Variants in CPA6 observed in about 807,000 individuals in gnomAD.
CPA6 encodes carboxypeptidase B.
CPA6 carries 58 observed loss-of-function variants against 63.3 expected under a neutral mutation model. That is an observed-to-expected ratio of 0.92 (90% CI 0.74 to 1.14). CPA6 has a LOEUF of 1.14. Ranked by LOEUF, CPA6 falls within the 50% of genes most tolerant of loss-of-function variation. The pLI, the probability that CPA6 is intolerant of heterozygous loss-of-function variation, is 0.00. For missense variants in CPA6, 565 were observed against 526.6 expected (o/e 1.07, Z -0.71); for synonymous variants, 185 against 179.0 (o/e 1.03, Z -0.27).
intron 1 of CPA6, among the ~76,000 whole-genome samples, chr8:67,638,740 T>TA (rs2128989527): frequency 6.6e-6 from 1 of 151,758 alleles, no homozygotes; most frequent in Admixed American, 6.5e-5. Context: ...CATGGTCCTT[T>TA]AGAGTTTCCC....
At chr8:67,657,205 A>G (rs1428312801) in intron 1 of CPA6, among the ~76,000 whole-genome samples, 1 of 152,218 alleles carries the variant, frequency 6.6e-6, no homozygotes, top group East Asian at 1.9e-4. Flanking sequence ...ATTTTCATCC[A>G]GAAAGAAATA....
chr8:67,472,408 TTATC>T (rs879555274), intron 8 of CPA6, among the ~76,000 whole-genome samples: 9,643 of 78,966 alleles, frequency 0.12, 418 homozygotes, highest in Middle Eastern at 0.19. Context: ...TTATTTTATC[TTATC>T]TTATTTTATT....
chr8:67,471,956 T>A lies in CPA6; in HGVS notation c.838+11812A>T, dbSNP rs151249798. ...CAAAGCACTTATATAGGCATGAAAT[T>A]TACGAAAATAAAAAATAGCATGACT... On this transcript the variant is annotated intron_variant, in intron 8 of 10. Coordinates refer to ENST00000297770, the MANE Select transcript of CPA6 (RefSeq NM_020361.5). Among the ~76,000 whole-genome samples the A allele has an allele frequency of 6.5e-3, 987 of 152,142 alleles. 16 individuals carry two copies. Among genetic ancestry groups the A allele is most frequent in the African/African-American group, 0.023 (949 of 41,502 alleles).
At chr8:67,514,363 T>G (rs898286829) in intron 3 of CPA6, among the ~76,000 whole-genome samples, 1 of 152,184 alleles carries the variant, frequency 6.6e-6, no homozygotes, top group Admixed American at 6.5e-5. Flanking sequence ...ATTGATCACC[T>G]AGGGGCCAGA....
intron 1 of CPA6, chr8:67,735,748 C>A (rs1367891237): frequency 6.7e-6 from 1 of 148,484 alleles, no homozygotes; most frequent in African/African-American, 2.5e-5. Flanking sequence ...CCACTAGTTG[C>A]TCTTCCTTTC....
chr8:67,575,556 A>T (rs1813601271), intron 2 of CPA6, among the ~76,000 whole-genome samples: 1 of 152,190 alleles, frequency 6.6e-6, no homozygotes, highest in Admixed American at 6.5e-5. Context: ...ACTCAGCTTT[A>T]AAAAAGGAAG....
intron 1 of CPA6, among the ~76,000 whole-genome samples, chr8:67,665,981 C>T (rs78241579): frequency 0.015 from 2,267 of 152,320 alleles, 44 homozygotes; most frequent in African/African-American, 0.044. Context: ...TTAGAGTCCA[C>T]GCCTCTCTTC....
At chr8:67,670,435 TG>T (rs1217980809) in intron 1 of CPA6, among the ~76,000 whole-genome samples, 1 of 152,092 alleles carries the variant, frequency 6.6e-6, no homozygotes, top group Non-Finnish European at 1.5e-5. Flanking sequence ...CCTCTAACTC[TG>T]GGGGGCTTAC....
chr8:67,734,020 T>TG (rs1014310538), intron 1 of CPA6, among the ~76,000 whole-genome samples: 4 of 148,672 alleles, frequency 2.7e-5, no homozygotes, highest in African/African-American at 9.9e-5. Context: ...AGTGCAGGCA[T>TG]GCGCCACCAC....
intron 8 of CPA6, among the ~76,000 whole-genome samples, chr8:67,445,990 G>C (rs561511255): frequency 6.6e-6 from 1 of 152,042 alleles, no homozygotes; most frequent in African/African-American, 2.4e-5. Context: ...TACGGCCGGG[G>C]GCGGTGGCTC....
chr8:67,687,438 C>T (rs1816729698), intron 1 of CPA6, among the ~76,000 whole-genome samples: 1 of 151,242 alleles, frequency 6.6e-6, no homozygotes, highest in South Asian at 2.1e-4. Context: ...TGGGGAAGGG[C>T]TATTAAAAAG....
intron 1 of CPA6, among the ~76,000 whole-genome samples, chr8:67,663,269 G>A (rs937663584): frequency 7.9e-5 from 12 of 152,134 alleles, no homozygotes; most frequent in Non-Finnish European, 7.3e-5. Flanking sequence ...CTATGGATTC[G>A]GTTAAGCCTG....
chr8:67,708,077 A>G (rs1052562121), intron 1 of CPA6, among the ~76,000 whole-genome samples: 6 of 152,172 alleles, frequency 3.9e-5, no homozygotes, highest in Non-Finnish European at 8.8e-5. Context: ...TAATCTTGGG[A>G]CCTCATGAGG....
chr8:67,673,123 C>A (rs1816384551), intron 1 of CPA6, among the ~76,000 whole-genome samples: 2 of 152,058 alleles, frequency 1.3e-5, no homozygotes, highest in Non-Finnish European at 2.9e-5. Context: ...AACCTCCTTG[C>A]TCAATGAAAG....
chr8:67,726,983 T>C (rs1817608515), intron 1 of CPA6, among the ~76,000 whole-genome samples: 1 of 152,256 alleles, frequency 6.6e-6, no homozygotes, highest in Non-Finnish European at 1.5e-5. Context: ...GATTTTAGAA[T>C]GGTTTTGGCA....
chr8:67,560,462 T>C (rs1208875675), intron 2 of CPA6, among the ~76,000 whole-genome samples: 1 of 152,172 alleles, frequency 6.6e-6, no homozygotes, highest in Non-Finnish European at 1.5e-5. Context: ...TCCTTTGATC[T>C]TCACAGAGGC....
At chr8:67,520,985 G>T (rs11998063) in intron 2 of CPA6, among the ~76,000 whole-genome samples, 4,189 of 152,330 alleles carry the variant, frequency 0.027, 187 homozygotes, top group African/African-American at 0.094. Context: ...AGCCCCCTGT[G>T]TGTAAGTTCC....
chr8:67,625,026 CA>C, intron 1 of CPA6, among the ~76,000 whole-genome samples: 1 of 151,960 alleles, frequency 6.6e-6, no homozygotes, highest in East Asian at 1.9e-4. Flanking sequence ...CCCTGATGGA[CA>C]AAAACTACAG....
intron 8 of CPA6, among the ~76,000 whole-genome samples, chr8:67,482,768 G>A (rs1478657553): frequency 6.6e-6 from 1 of 152,186 alleles, no homozygotes; most frequent in African/African-American, 2.4e-5. Flanking sequence ...GAATAAAATT[G>A]CCCAAATTAC....
Sources: gnomAD v4.1 joint callset for allele counts (sites outside exome capture counted in the v4.1 genomes callset) on GRCh38, gnomAD v4.1.1 for gene constraint, MANE v1.5 for transcripts, NCBI Gene and HGNC (gene_info 2026-07-23, HGNC 2026-07-21) for gene names.